HABP4: variants seen among roughly 807,000 people sequenced by gnomAD.
The protein encoded by HABP4 is intracellular hyaluronan-binding protein 4.
A neutral mutation model predicts 44.1 loss-of-function variants in HABP4; 32 were observed. The ratio of observed to expected loss-of-function variants is 0.73; its 90% CI spans 0.55 to 0.97. The LOEUF (loss-of-function observed/expected upper bound fraction) is 0.97. Among genes scored for constraint, HABP4 ranks in the 50% least tolerant of loss-of-function variants. The probability of loss-of-function intolerance (pLI) is 0.00; values close to 1 mark genes in which losing one functional copy is unlikely to be tolerated. For synonymous variants in HABP4, 216 were observed against 218.0 expected (o/e 0.99, Z 0.08); for missense variants, 503 against 561.9 (o/e 0.90, Z 1.06).
intron 2 of HABP4, among the ~76,000 whole-genome samples, chr9:96,459,860 G>T (rs1832469058): frequency 6.6e-6 from 1 of 152,228 alleles, no homozygotes; most frequent in South Asian, 2.1e-4. Flanking sequence ...CATTGAGATA[G>T]TCTATCTGCA....
intron 5 of HABP4, among the ~76,000 whole-genome samples, chr9:96,479,887 C>G (rs1322215554): frequency 6.6e-6 from 1 of 152,020 alleles, no homozygotes; most frequent in Non-Finnish European, 1.5e-5. Context: ...AAATGCTGGC[C>G]GGGTGCGGTG....
chr9:96,487,586 C>T (rs755311011), intron 6 of HABP4, among the ~76,000 whole-genome samples: 6 of 151,802 alleles, frequency 4.0e-5, no homozygotes, highest in Non-Finnish European at 7.4e-5. Context: ...TAATCAGCAC[C>T]CATGCTGAAA....
At chr9:96,455,870 C>T (rs913126069) in intron 1 of HABP4, among the ~76,000 whole-genome samples, 1 of 151,928 alleles carries the variant, frequency 6.6e-6, no homozygotes, top group East Asian at 1.9e-4. Context: ...GCCTGGCCAA[C>T]ATGGTGAAAC....
chr9:96,472,277 T>A (rs910968134), intron 5 of HABP4, among the ~76,000 whole-genome samples: 5 of 152,176 alleles, frequency 3.3e-5, no homozygotes, highest in Non-Finnish European at 7.3e-5. Context: ...GTCACTGATA[T>A]TCTGAAACCA....
chr9:96,480,048 G>A (rs1832849526), intron 5 of HABP4, among the ~76,000 whole-genome samples: 1 of 151,962 alleles, frequency 6.6e-6, no homozygotes, highest in African/African-American at 2.4e-5. Flanking sequence ...GGTGGTGCAT[G>A]CCTGTAGTCC....
At chr9:96,480,499 T>C (rs1342453965) in intron 5 of HABP4, among the ~76,000 whole-genome samples, 1 of 152,226 alleles carries the variant, frequency 6.6e-6, no homozygotes, top group Admixed American at 6.5e-5. Context: ...ATTGTGAAAA[T>C]TTCAAAACAC....
chr9:96,484,336 C>T (rs1832933032), intron 5 of HABP4, 126 bp from the exon 6 acceptor site: 5 of 563,256 alleles, frequency 8.9e-6, no homozygotes, highest in South Asian at 2.8e-5. Context: ...ATTTCCTTAC[C>T]TTATTTGCAT....
At chr9:96,460,384 T>G (rs904664564) in intron 2 of HABP4, among the ~76,000 whole-genome samples, 70 of 152,178 alleles carry the variant, frequency 4.6e-4, no homozygotes, top group Non-Finnish European at 1.2e-4. Flanking sequence ...CTTTGTTATT[T>G]GAGAATAAGG....
At chr9:96,470,190 T>G (rs1832670502) in intron 4 of HABP4, among the ~76,000 whole-genome samples, 1 of 152,132 alleles carries the variant, frequency 6.6e-6, no homozygotes, top group Non-Finnish European at 1.5e-5. Context: ...GCGCCTGTAG[T>G]CCCAGCTACT....
Position 96,450,178 on chromosome 9 carries a change from AG to A in HABP4, c.-99del. 8.7e-7 allele frequency: 1 copy of A among 1,149,188 alleles called. No individual in the cohort carries two copies. Among genetic ancestry groups the A allele is most frequent in the Non-Finnish European group, 1.1e-6 (1 of 923,926 alleles). The allele number at this position is 1,149,188 out of a possible 1,614,324, so 71.2% of individuals were successfully genotyped here. A position where few individuals can be genotyped will look rare whatever the true frequency, so the allele number is the denominator to read the frequency against. ...AGGGGCCGGACAGGGTAGGGCCCGG[AG>A]GGCGGTGGCGGCGGAGCGGGCGGCA... On this transcript the variant is annotated 5_prime_UTR_variant, in exon 1 of 8. Coordinates refer to ENST00000375249, the MANE Select transcript of HABP4 (RefSeq NM_014282.4). The surrounding 1 kb of genome is among the most constrained non-coding windows in gnomAD (Gnocchi z 4.8).
intron 5 of HABP4, among the ~76,000 whole-genome samples, chr9:96,482,017 CCT>C (rs1832889636): frequency 6.6e-6 from 1 of 151,430 alleles, no homozygotes; most frequent in African/African-American, 2.4e-5. Flanking sequence ...CTCACTGCAA[CCT>C]CCACCTCCCG....
intron 5 of HABP4, among the ~76,000 whole-genome samples, chr9:96,475,004 G>GT (rs1223184781): frequency 6.6e-6 from 1 of 152,122 alleles, no homozygotes; most frequent in Non-Finnish European, 1.5e-5. Flanking sequence ...CATTACAGAA[G>GT]TATTAACTGT....
At chr9:96,470,173 G>C (rs1832670146) in intron 4 of HABP4, among the ~76,000 whole-genome samples, 1 of 152,170 alleles carries the variant, frequency 6.6e-6, no homozygotes, top group African/African-American at 2.4e-5. Context: ...GCCGGGCATG[G>C]TGGTGTGCGC....
chr9:96,481,929 T>C (rs1037273635), intron 5 of HABP4, among the ~76,000 whole-genome samples: 1 of 148,358 alleles, frequency 6.7e-6, no homozygotes, highest in Non-Finnish European at 1.5e-5. Flanking sequence ...CCACCATCCA[T>C]CTCTAGAACT....
chr9:96,485,290 A>T (rs929483625), intron 6 of HABP4, among the ~76,000 whole-genome samples: 3 of 152,184 alleles, frequency 2.0e-5, no homozygotes, highest in African/African-American at 4.8e-5. Context: ...ACCTCAGGTG[A>T]TCCACCAGCC....
chr9:96,455,276 C>A (rs1486826408), intron 1 of HABP4, among the ~76,000 whole-genome samples: 2 of 151,140 alleles, frequency 1.3e-5, no homozygotes, highest in Non-Finnish European at 2.9e-5. Context: ...CATGGTGAAA[C>A]CCTGTCTGTA....
At chr9:96,475,390 C>CAAAAAAAAAA (rs61553823) in intron 5 of HABP4, among the ~76,000 whole-genome samples, 53 of 94,074 alleles carry the variant, frequency 5.6e-4, no homozygotes, top group African/African-American at 1.9e-3. Flanking sequence ...ACAACAACAA[C>CAAAAAAAAAA]AAAAAAAAAA....
Position 96,470,920 on chromosome 9 carries a change from C to T in HABP4, c.744-91C>T, listed in dbSNP as rs1016230180. 150 of 761,414 alleles carry T rather than the reference C, an allele frequency of 2.0e-4. No homozygotes were observed. In the Admixed American group the frequency reaches 3.5e-3, roughly 18 times the overall value. 47.2% of individuals were successfully genotyped at this position (761,414 alleles called of 1,614,324 possible). ...AAAAAAAAAAAAAAAACCCAAAAAA[C>T]CAAAAAAACAATGTTTTCTCCTTCT... On this transcript the variant is annotated intron_variant, in intron 4 of 7. Transcript: ENST00000375249.
intron 1 of HABP4, among the ~76,000 whole-genome samples, chr9:96,456,770 AAAAAAAAAAAATATATATATATATATAT>A (rs1564158661): frequency 2.9e-5 from 2 of 69,316 alleles, no homozygotes; most frequent in African/African-American, 1.3e-4. Context: ...AAAAAAAAAA[AAAAAAAAAAAATATATATATATATATAT>A]ATATATATAT....
Sources: allele counts gnomAD v4.1 joint callset (sites outside exome capture counted in the v4.1 genomes callset), GRCh38; gene constraint gnomAD v4.1.1; non-coding constraint Gnocchi (gnomAD v3.1); transcripts MANE v1.5; gene names NCBI Gene and HGNC (gene_info 2026-07-23, HGNC 2026-07-21).